Variants in OPA3 observed in about 807,000 individuals in gnomAD.
OPA3 encodes the protein outer mitochondrial membrane lipid metabolism regulator OPA3.
A neutral mutation model predicts 4.0 loss-of-function variants in OPA3; 6 were observed. That is an observed-to-expected ratio of 1.51 (90% CI 0.83 to 2.99). The LOEUF is 2.99. OPA3 is among the 30% of genes most tolerant of loss of function. The pLI is 0.00. For missense variants in OPA3, 235 were observed against 256.2 expected (o/e 0.92, Z 0.56); for synonymous variants, 105 against 117.1 (o/e 0.90, Z 0.67).
rs572183370 is a variant in OPA3, at chr19:45,551,543, A to G, written c.*1971T>C. ...GCAGAGCCAAGGAAGGCCTGGAATC[A>G]CCAGGAGCTGGAAGAGGGAGCGTGT... On this transcript the variant is annotated 3_prime_UTR_variant, in exon 2 of 2. Transcript: ENST00000263275. 87 of 202,446 alleles carry G rather than the reference A, an allele frequency of 4.3e-4. No individual in the cohort carries two copies. The highest frequency in any genetic ancestry group is 2.0e-3 in the African/African-American group (84 of 42,450). The allele number at this position is 202,446 out of a possible 1,614,324, so 12.5% of individuals were successfully genotyped here.
At chr19:45,555,692 C>T (rs955666139) in intron 1 of OPA3, among the ~76,000 whole-genome samples, 2 of 152,062 alleles carry the variant, frequency 1.3e-5, no homozygotes, top group Admixed American at 1.3e-4. Context: ...GGGGTTTCAC[C>T]GTGTTAGCCA....
chr19:45,554,041 G>A (rs1969384818), intron 1 of OPA3, 130 bp from the exon 2 acceptor site: 10 of 713,606 alleles, frequency 1.4e-5, no homozygotes, highest in Admixed American at 3.0e-5. Context: ...TGATTCTAGC[G>A]AGCAGCCAGG....
At chr19:45,533,049 G>A (rs935286050) in intron 1 of OPA3, among the ~76,000 whole-genome samples, 1 of 62,858 alleles carries the variant, frequency 1.6e-5, no homozygotes, top group Non-Finnish European at 3.2e-5. Context: ...GCACCACCAT[G>A]CCCGGATATT....
chr19:45,529,519 CTG>C, intron 1 of OPA3: 1 of 1,594,178 alleles, frequency 6.3e-7, no homozygotes, highest in Non-Finnish European at 8.6e-7. Flanking sequence ...CCCCGACCCT[CTG>C]TGCTTCGATG....
intron 1 of OPA3, among the ~76,000 whole-genome samples, chr19:45,558,971 C>T (rs1293749762): frequency 6.6e-6 from 1 of 152,114 alleles, no homozygotes; most frequent in African/African-American, 2.4e-5. Flanking sequence ...GCAACCTCTG[C>T]CTCCCGGGTT....
chr19:45,543,940 A>C (rs1394721420), downstream of OPA3, among the ~76,000 whole-genome samples: 1 of 152,198 alleles, frequency 6.6e-6, no homozygotes, highest in African/African-American at 2.4e-5. Context: ...TTTCTGCTTC[A>C]GTTAGCCCAG....
At chr19:45,532,046 T>A (rs760749933) in intron 1 of OPA3, among the ~76,000 whole-genome samples, 8 of 152,174 alleles carry the variant, frequency 5.3e-5, no homozygotes, top group Non-Finnish European at 8.8e-5. Flanking sequence ...CAGTGGTGAT[T>A]TATGGTGGGG....
intron 1 of OPA3, among the ~76,000 whole-genome samples, chr19:45,559,339 CTTTCTTTCTTTTCT>C (rs1453001482): frequency 6.9e-6 from 1 of 145,972 alleles, no homozygotes; most frequent in Non-Finnish European, 1.5e-5. Flanking sequence ...AATGGTCTTT[CTTTCTTTCTTTTCT>C]TTTCTTTCTT....
Position 45,549,803 on chromosome 19 carries a change from C to T in OPA3, c.*3711G>A. ...CTCCCAGTTTTAAACACAGCCCACT[C>T]AGGACCCACTCGGTCAGTTCCCTCT... On this transcript the variant is annotated 3_prime_UTR_variant, in exon 2 of 2. Coordinates refer to ENST00000263275, the MANE Select transcript of OPA3 (RefSeq NM_025136.4). 1.0e-6 allele frequency: 1 copy of T among 985,518 alleles called. No homozygotes were observed. Among genetic ancestry groups the T allele is most frequent in the Non-Finnish European group, 1.2e-6 (1 of 830,102 alleles). The allele number at this position is 985,518 out of a possible 1,614,324, so 61.0% of individuals were successfully genotyped here. A position where few individuals can be genotyped will look rare whatever the true frequency, so the allele number is the denominator to read the frequency against.
chr19:45,556,752 G>A (rs956777798), intron 1 of OPA3, among the ~76,000 whole-genome samples: 30 of 152,166 alleles, frequency 2.0e-4, no homozygotes, highest in African/African-American at 4.6e-4. Flanking sequence ...CAAGCTTAGG[G>A]CCCGAGAAGT....
At chr19:45,583,267 C>T (rs1265790624) in intron 1 of OPA3, among the ~76,000 whole-genome samples, 1 of 152,042 alleles carries the variant, frequency 6.6e-6, no homozygotes, top group Non-Finnish European at 1.5e-5. Context: ...TCTCCTGCCT[C>T]AGCCTCCTGA....
intron 1 of OPA3, among the ~76,000 whole-genome samples, chr19:45,535,762 CTTTT>C (rs370775683): frequency 2.4e-5 from 3 of 122,958 alleles, no homozygotes; most frequent in African/African-American, 3.1e-5. Flanking sequence ...TTTTTCTTTT[CTTTT>C]TTTTTTTTTT....
chr19:45,579,997 T>C (rs555816618), intron 1 of OPA3, among the ~76,000 whole-genome samples: 5,441 of 108,222 alleles, frequency 0.05, 355 homozygotes, highest in African/African-American at 0.31. Flanking sequence ...TTCTTTTTTT[T>C]TTTCTTTTTT....
intron 1 of OPA3, among the ~76,000 whole-genome samples, chr19:45,581,383 G>A (rs7253109): frequency 3.3e-5 from 5 of 151,990 alleles, no homozygotes; most frequent in South Asian, 2.1e-4. Context: ...CTTTCCTTAC[G>A]CCTTGTCCTG....
chr19:45,579,728 T>C (rs1969818744), intron 1 of OPA3, among the ~76,000 whole-genome samples: 2 of 152,140 alleles, frequency 1.3e-5, no homozygotes, highest in African/African-American at 2.4e-5. Flanking sequence ...AATGCATACA[T>C]AGTATATACA....
intron 1 of OPA3, among the ~76,000 whole-genome samples, chr19:45,580,869 G>A (rs1314841074): frequency 2.6e-5 from 4 of 151,918 alleles, no homozygotes; most frequent in Admixed American, 2.0e-4. Context: ...ACCCACCTCC[G>A]CCTTCCAAAG....
Position 45,552,651 on chromosome 19 carries a change from G to A in OPA3, c.*863C>T, listed in dbSNP as rs1292077198. On this transcript the variant is annotated 3_prime_UTR_variant, in exon 2 of 2. Coordinates refer to ENST00000263275, the MANE Select transcript of OPA3 (RefSeq NM_025136.4). ...CTGCCTCAGCCTCCCAAGTAGCTAG[G>A]ATTACAGGCACCCACCACCACGCCC... 1 of 152,196 alleles carries A rather than the reference G, an allele frequency of 6.6e-6. No homozygotes were observed. The highest frequency in any genetic ancestry group is 1.5e-5 in the Non-Finnish European group (1 of 68,248). The allele number at this position is 152,196 out of a possible 1,614,324, so 9.4% of individuals were successfully genotyped here.
intron 1 of OPA3, among the ~76,000 whole-genome samples, chr19:45,574,777 G>A (rs1969742873): frequency 6.6e-6 from 1 of 152,168 alleles, no homozygotes; most frequent in South Asian, 2.1e-4. Context: ...TGGAAATGAC[G>A]CTGGAAGATT....
At chr19:45,530,927 CTTTTTTTTTTTTTTTTTT>C (rs71173176) in intron 1 of OPA3, among the ~76,000 whole-genome samples, 9 of 35,414 alleles carry the variant, frequency 2.5e-4, no homozygotes, top group Non-Finnish European at 4.2e-4. Context: ...ATGTCACCTA[CTTTTTTTTTTTTTTTTTT>C]TTTTTTTTTT....
Sources: gnomAD v4.1 joint callset for allele counts (sites outside exome capture counted in the v4.1 genomes callset) on GRCh38, gnomAD v4.1.1 for gene constraint, MANE v1.5 for transcripts, NCBI Gene and HGNC (gene_info 2026-07-23, HGNC 2026-07-21) for gene names.